The following PCDH17 variants were observed in gnomAD, a reference collection of about 807,000 sequenced individuals.
PCDH17 encodes protocadherin-17.
PCDH17 carries 21 observed loss-of-function variants against 67.7 expected under a neutral mutation model. The ratio of observed to expected loss-of-function variants is 0.31; its 90% CI spans 0.22 to 0.45. The LOEUF is 0.45. Among genes scored for constraint, PCDH17 ranks in the 20% least tolerant of loss-of-function variants. The pLI is 1.00. For missense variants in PCDH17, 1,471 were observed against 1,564.8 expected (o/e 0.94, Z 1.01); for synonymous variants, 701 against 656.7 (o/e 1.07, Z -1.03).
At chr13:57,665,556 G>GT (rs1955241813) in intron 1 of PCDH17, among the ~76,000 whole-genome samples, 2 of 152,072 alleles carry the variant, frequency 1.3e-5, no homozygotes, top group Non-Finnish European at 2.9e-5. Context: ...GTATAATGCC[G>GT]TGATATGAAG....
intron 1 of PCDH17, among the ~76,000 whole-genome samples, chr13:57,665,194 A>C (rs1228099585): frequency 1.1e-5 from 1 of 90,388 alleles, no homozygotes; most frequent in Admixed American, 1.0e-4. Flanking sequence ...CTGTCCCCAA[A>C]CTTGACAATG....
chr13:57,724,722 C>A lies in PCDH17; in HGVS notation c.2908C>A (p.Arg970Ser), dbSNP rs570788884. The A allele has an allele frequency of 1.2e-5, 19 of 1,613,942 alleles. No individual in the cohort carries two copies. The highest frequency in any genetic ancestry group is 4.0e-5 in the African/African-American group (3 of 75,034). ...AANQAENADY[R>S]TNLFVPTVEA... ...CAATCAGGCTGAAAATGCAGATTACCGCACAAATCTCTTTGTACCTACAGT... is the reference window on the plus strand; with the variant it reads ...CAATCAGGCTGAAAATGCAGATTACAGCACAAATCTCTTTGTACCTACAGT... The change falls in exon 4 of 4, where the codon CGC (arginine) becomes AGC (serine). Residue 970 changes from arginine to serine, a missense_variant. Arg to Ser is a moderately radical substitution (Grantham distance 110). Coordinates refer to ENST00000377918, the MANE Select transcript of PCDH17 (RefSeq NM_001040429.3).
At chr13:57,711,027 G>T (rs1221579097) in intron 3 of PCDH17, among the ~76,000 whole-genome samples, 1 of 151,940 alleles carries the variant, frequency 6.6e-6, no homozygotes, top group Non-Finnish European at 1.5e-5. Flanking sequence ...AGTCTTCCTT[G>T]TTACCCTTGA....
chr13:57,681,290 T>A (rs546162283), intron 3 of PCDH17, among the ~76,000 whole-genome samples: 1 of 151,810 alleles, frequency 6.6e-6, no homozygotes, highest in Non-Finnish European at 1.5e-5. Flanking sequence ...TATTTCTAAG[T>A]TGGAAATAAG....
chr13:57,651,006 G>A (rs1955030464), intron 1 of PCDH17, among the ~76,000 whole-genome samples: 1 of 152,002 alleles, frequency 6.6e-6, no homozygotes, highest in African/African-American at 2.4e-5. Context: ...CACTGGAATG[G>A]ACAATACATG....
intron 3 of PCDH17, among the ~76,000 whole-genome samples, chr13:57,676,030 G>A (rs1955387840): frequency 2.6e-5 from 4 of 151,686 alleles, no homozygotes; most frequent in Admixed American, 2.6e-4. Context: ...TTAGTTTTTG[G>A]GATAAGAAAT....
Position 57,724,920 on chromosome 13 carries a change from T to C in PCDH17, c.3106T>C (p.Ser1036Pro). The change falls in exon 4 of 4, where the codon TCA (serine) becomes CCA (proline). Residue 1036 changes from serine to proline, a missense_variant. Transcript: ENST00000377918. ...SPLLQEVPSA[S>P]SSPTKACIEP... The stretch of plus-strand genomic sequence containing the variant: ...TCTCCTCCAAGAGGTCCCCTCAGCA[T>C]CAAGCAGCCCAACCAAGGCGTGCAT... 1 of 1,614,130 alleles carries C rather than the reference T, an allele frequency of 6.2e-7. No individual in the cohort carries two copies. The highest frequency in any genetic ancestry group is 8.5e-7 in the Non-Finnish European group (1 of 1,179,988).
At chr13:57,689,927 G>A (rs1159854500) in intron 3 of PCDH17, among the ~76,000 whole-genome samples, 1 of 151,778 alleles carries the variant, frequency 6.6e-6, no homozygotes, top group Non-Finnish European at 1.5e-5. Context: ...TTAAAGATAT[G>A]TCTTAAAATA....
chr13:57,653,682 A>G (rs1372416995), intron 1 of PCDH17, among the ~76,000 whole-genome samples: 1 of 152,128 alleles, frequency 6.6e-6, no homozygotes, highest in Non-Finnish European at 1.5e-5. Context: ...ATGCGATACA[A>G]AGGAGTAAGT....
rs1245519795 is a variant in PCDH17, at chr13:57,728,851, A to C, written c.*3557A>C. The C allele has an allele frequency of 6.6e-6, 1 of 152,294 alleles. No individual in the cohort carries two copies. Among genetic ancestry groups the C allele is most frequent in the Admixed American group, 6.6e-5 (1 of 15,262 alleles). 9.4% of individuals were successfully genotyped at this position (152,294 alleles called of 1,614,324 possible). ...AATTTAAAATATGGCACCATAAAAA[A>C]GTCATGTAGTAATAGAGCATATGCT... On this transcript the variant is annotated 3_prime_UTR_variant, in exon 4 of 4. Coordinates refer to ENST00000377918, the MANE Select transcript of PCDH17 (RefSeq NM_001040429.3).
rs1365760534 is a variant in PCDH17, at chr13:57,632,528, C to G, written c.-19C>G. The G allele has an allele frequency of 6.2e-7, 1 of 1,607,742 alleles. No individual in the cohort carries two copies. The highest frequency in any genetic ancestry group is 1.3e-5 in the African/African-American group (1 of 74,934). The stretch of plus-strand genomic sequence containing the variant: ...CTCCTCCAGTCCGATTGCTCCTGCC[C>G]CCACCTTACAGGTCTGGGATGTACC... On this transcript the variant is annotated 5_prime_UTR_variant, in exon 1 of 4. Coordinates refer to ENST00000377918, the MANE Select transcript of PCDH17 (RefSeq NM_001040429.3).
At chr13:57,688,552 C>A (rs1955528475) in intron 3 of PCDH17, among the ~76,000 whole-genome samples, 1 of 151,944 alleles carries the variant, frequency 6.6e-6, no homozygotes, top group African/African-American at 2.4e-5. Context: ...TGTGTGTGCA[C>A]ATGTTTGTTT....
intron 3 of PCDH17, among the ~76,000 whole-genome samples, chr13:57,681,240 G>T (rs1003712148): frequency 2.0e-5 from 3 of 151,680 alleles, no homozygotes; most frequent in African/African-American, 4.8e-5. Flanking sequence ...AATCTTAGAT[G>T]ATTAAGTGCA....
At position 57,714,227 on chromosome 13, in the gene PCDH17, T is replaced by C. The variant is rs557064039; in HGVS notation, c.2798-10385T>C. ...CTGACACCTGATTCTGTTTGCTTGTTTCTAGCAATGGAAAATAAGAGCTGC... is the reference window on the plus strand; with the variant it reads ...CTGACACCTGATTCTGTTTGCTTGTCTCTAGCAATGGAAAATAAGAGCTGC... On this transcript the variant is annotated intron_variant, in intron 3 of 3. Transcript: ENST00000377918. Among the ~76,000 whole-genome samples, 38 of 151,842 alleles carry C rather than the reference T, an allele frequency of 2.5e-4. 1 individual carries two copies. Among genetic ancestry groups the C allele is most frequent in the African/African-American group, 8.9e-4 (37 of 41,508 alleles).
chr13:57,707,947 C>A (rs553189422), intron 3 of PCDH17, among the ~76,000 whole-genome samples: 1 of 151,982 alleles, frequency 6.6e-6, no homozygotes, highest in South Asian at 2.1e-4. Flanking sequence ...CTGCAGAGAC[C>A]CTATTTCCAA....
At chr13:57,664,214 T>G (rs2138020594) in intron 1 of PCDH17, among the ~76,000 whole-genome samples, 1 of 152,248 alleles carries the variant, frequency 6.6e-6, no homozygotes, top group Admixed American at 6.5e-5. Flanking sequence ...TTCTTTGGCT[T>G]TCCTATTTTC....
At chr13:57,649,225 T>C (rs1269685628) in intron 1 of PCDH17, among the ~76,000 whole-genome samples, 3 of 152,148 alleles carry the variant, frequency 2.0e-5, no homozygotes, top group Non-Finnish European at 4.4e-5. Context: ...TCTCCATTAA[T>C]AGGATTCAGA....
intron 3 of PCDH17, among the ~76,000 whole-genome samples, chr13:57,670,763 G>C (rs1405860104): frequency 6.6e-6 from 1 of 151,380 alleles, no homozygotes; most frequent in Non-Finnish European, 1.5e-5. Flanking sequence ...TATTTTATTA[G>C]CTCAAATATT....
At chr13:57,708,106 T>C (rs1955737885) in intron 3 of PCDH17, among the ~76,000 whole-genome samples, 1 of 152,068 alleles carries the variant, frequency 6.6e-6, no homozygotes. Flanking sequence ...TATGTGACTC[T>C]GCTTATATTA....
Sources: allele counts gnomAD v4.1 joint callset (sites outside exome capture counted in the v4.1 genomes callset), GRCh38; gene constraint gnomAD v4.1.1; transcripts MANE v1.5; gene names NCBI Gene and HGNC (gene_info 2026-07-23, HGNC 2026-07-21).